GRM5: variants seen among roughly 807,000 people sequenced by gnomAD.
The protein encoded by GRM5 is glutamate metabotropic receptor 5.
In GRM5, 19 loss-of-function variants were observed where a neutral mutation model predicts 83.1. The ratio of observed to expected loss-of-function variants is 0.23; its 90% confidence interval spans 0.16 to 0.34. The LOEUF is 0.34. Among genes scored for constraint, GRM5 ranks in the 10% least tolerant of loss-of-function variants. The pLI, the probability that GRM5 is intolerant of heterozygous loss-of-function variation, is 1.00. For missense variants in GRM5, 1,160 were observed against 1,588.3 expected (o/e 0.73, Z 4.58); for synonymous variants, 675 against 633.6 (o/e 1.07, Z -0.98).
chr11:88,825,705 G>C (rs931574401), intron 3 of GRM5, among the ~76,000 whole-genome samples: 6 of 152,122 alleles, frequency 3.9e-5, no homozygotes, highest in African/African-American at 1.4e-4. Flanking sequence ...AATGATTACA[G>C]CTTTTAGAAT....
chr11:88,722,803 A>G (rs1995202), intron 3 of GRM5, among the ~76,000 whole-genome samples: 97,254 of 151,982 alleles, frequency 0.64, 33,316 homozygotes, highest in South Asian at 0.85. Context: ...TTCCCCTAAT[A>G]TTAACATCTT....
At chr11:88,895,649 C>A (rs1295097801) in intron 2 of GRM5, among the ~76,000 whole-genome samples, 1 of 151,908 alleles carries the variant, frequency 6.6e-6, no homozygotes, top group African/African-American at 2.4e-5. Flanking sequence ...AAAAACAAGT[C>A]CACCATATAA....
intron 7 of GRM5, among the ~76,000 whole-genome samples, chr11:88,574,447 C>G (rs1474984395): frequency 1.3e-5 from 2 of 152,038 alleles, no homozygotes; most frequent in Non-Finnish European, 2.9e-5. Context: ...TTACTTCTGC[C>G]TAGGGACGTG....
rs1168384385 is a variant in GRM5 at position 88,567,375 on chromosome 11, C to T, written c.2308G>A (p.Glu770Lys). 2 of 1,613,974 alleles carry T rather than the reference C, an allele frequency of 1.2e-6. No homozygotes were observed. The highest frequency in any genetic ancestry group is 1.7e-5 in the Admixed American group (1 of 60,006). ...KTRNVPANFNEAKYIAFTMYT... is the reference protein window; with the variant it reads ...KTRNVPANFNKAKYIAFTMYT... ...ATTGTGAAGGCGATATACTTGGCCTCGTTGAAGTTAGCTGGAACATTTCTG... is the reference window on the plus strand; with the variant it reads ...ATTGTGAAGGCGATATACTTGGCCTTGTTGAAGTTAGCTGGAACATTTCTG... The change falls in exon 8 of 10, where the codon GAG becomes AAG. Residue 770 changes from glutamate to lysine, a missense_variant. Coordinates refer to ENST00000305447, the MANE Select transcript of GRM5 (RefSeq NM_001143831.3). This position sits in a 1 kb window ranked among gnomAD's most constrained non-coding sequence, Gnocchi z 7.3.
intron 2 of GRM5, among the ~76,000 whole-genome samples, chr11:89,027,950 T>TA (rs1941166979): frequency 6.6e-6 from 1 of 152,158 alleles, no homozygotes; most frequent in African/African-American, 2.4e-5. Context: ...TAATGCCATT[T>TA]TAAAAAAATG....
chr11:88,821,351 AAAAAAAAAAAAGAAAAAAG>A (rs1943788419), intron 3 of GRM5, among the ~76,000 whole-genome samples: 1 of 149,970 alleles, frequency 6.7e-6, no homozygotes, highest in African/African-American at 2.5e-5. Flanking sequence ...GGCCAAAAAA[AAAAAAAAAAAAGAAAAAAG>A]AAAAAAAAAA....
At chr11:88,738,110 CAAG>C (rs1941957070) in intron 3 of GRM5, among the ~76,000 whole-genome samples, 1 of 151,870 alleles carries the variant, frequency 6.6e-6, no homozygotes, top group Non-Finnish European at 1.5e-5. Context: ...ATTGAAATCA[CAAG>C]AATTTTTTGA....
At chr11:88,645,994 G>C (rs1939434217) in intron 4 of GRM5, among the ~76,000 whole-genome samples, 2 of 152,028 alleles carry the variant, frequency 1.3e-5, no homozygotes, top group South Asian at 4.1e-4. Context: ...AGTTTGAGGT[G>C]GTGGTTATAG....
intron 3 of GRM5, among the ~76,000 whole-genome samples, chr11:88,798,824 A>AAAAAAAAAAAAAAAAAAAT: frequency 6.8e-6 from 1 of 147,866 alleles, no homozygotes; most frequent in Non-Finnish European, 1.5e-5. Flanking sequence ...AAAAAAAAAA[A>AAAAAAAAAAAAAAAAAAAT]AAACAACAAC....
At chr11:88,650,042 C>T (rs1231248075) in intron 4 of GRM5, among the ~76,000 whole-genome samples, 1 of 151,616 alleles carries the variant, frequency 6.6e-6, no homozygotes, top group African/African-American at 2.4e-5. Flanking sequence ...TGATAAGAAC[C>T]AACTTAAAAT....
intron 3 of GRM5, among the ~76,000 whole-genome samples, chr11:88,720,614 C>CT (rs954656430): frequency 5.9e-5 from 9 of 151,914 alleles, no homozygotes; most frequent in African/African-American, 1.4e-4. Flanking sequence ...CTACTGGCCA[C>CT]TTTTTTTTCT....
chr11:88,939,542 T>A (rs1938015057), intron 2 of GRM5, among the ~76,000 whole-genome samples: 1 of 151,946 alleles, frequency 6.6e-6, no homozygotes, highest in African/African-American at 2.4e-5. Context: ...TAATTCTCAC[T>A]TGGCCTTTTA....
chr11:88,536,702 A>T (rs1942142770), intron 8 of GRM5, among the ~76,000 whole-genome samples: 1 of 152,160 alleles, frequency 6.6e-6, no homozygotes, highest in East Asian at 1.9e-4. Context: ...TTTAGTGATC[A>T]CCCAGAAACA....
chr11:88,932,433 G>C (rs1937747299), intron 2 of GRM5, among the ~76,000 whole-genome samples: 1 of 151,950 alleles, frequency 6.6e-6, no homozygotes, highest in African/African-American at 2.4e-5. Flanking sequence ...TATGCACATA[G>C]TTAGCTAGTG....
intron 3 of GRM5, among the ~76,000 whole-genome samples, chr11:88,782,827 A>G (rs1185808903): frequency 6.6e-6 from 1 of 152,154 alleles, no homozygotes; most frequent in Non-Finnish European, 1.5e-5. Flanking sequence ...GGAAACATCA[A>G]TAGTGATAAT....
intron 3 of GRM5, among the ~76,000 whole-genome samples, chr11:88,785,187 C>T (rs1238743883): frequency 6.6e-6 from 1 of 151,996 alleles, no homozygotes; most frequent in East Asian, 1.9e-4. Flanking sequence ...CCACAGTAAG[C>T]GTTTGGTTAC....
In GRM5 at chr11:88,922,560, G is replaced by A. The variant is rs547612750; in HGVS notation, c.662-72405C>T. ...AATAAAACTATACTCTTTTCTTGCCGTATACAAAAATCAAATCAAAATGGA... is the reference window on the plus strand; with the variant it reads ...AATAAAACTATACTCTTTTCTTGCCATATACAAAAATCAAATCAAAATGGA... On this transcript the variant is annotated intron_variant, in intron 2 of 9. Coordinates refer to ENST00000305447, the MANE Select transcript of GRM5 (RefSeq NM_001143831.3). Among the ~76,000 whole-genome samples, 25 of 152,086 alleles carry A rather than the reference G, an allele frequency of 1.6e-4. No homozygotes were observed. The South Asian group carries it at 1.9e-3, about 11-fold the overall frequency.
At chr11:88,555,864 T>A (rs1942614747) in intron 8 of GRM5, among the ~76,000 whole-genome samples, 1 of 152,164 alleles carries the variant, frequency 6.6e-6, no homozygotes, top group Non-Finnish European at 1.5e-5. Context: ...TTGCAGTGAT[T>A]TATCATTTAG....
intron 3 of GRM5, among the ~76,000 whole-genome samples, chr11:88,767,138 T>G (rs978832564): frequency 1.3e-5 from 2 of 151,902 alleles, no homozygotes; most frequent in Non-Finnish European, 2.9e-5. Context: ...CCTGAGCCAT[T>G]GTTCCTGGCC....
Sources: gnomAD v4.1 joint callset for allele counts (sites outside exome capture counted in the v4.1 genomes callset) on GRCh38, gnomAD v4.1.1 for gene constraint, Gnocchi (gnomAD v3.1) non-coding constraint, MANE v1.5 for transcripts, NCBI Gene and HGNC (gene_info 2026-07-23, HGNC 2026-07-21) for gene names.